Variants in CARMIL1 observed in about 807,000 individuals in gnomAD.
CARMIL1 encodes F-actin-uncapping protein LRRC16A.
CARMIL1 carries 90 observed loss-of-function variants against 177.1 expected under a neutral mutation model. That is an observed-to-expected ratio of 0.51 (90% confidence interval 0.43 to 0.61). The LOEUF (loss-of-function observed/expected upper bound fraction) is 0.61. CARMIL1 is among the 20% of genes least tolerant of loss of function. CARMIL1 has a pLI of 0.00. For synonymous variants in CARMIL1, 577 were observed against 606.2 expected, an observed-to-expected ratio of 0.95 and a Z score of 0.71; for missense variants, 1,380 against 1,667.0, an observed-to-expected ratio of 0.83 and a Z score of 3.00.
intron 2 of CARMIL1, among the ~76,000 whole-genome samples, chr6:25,342,513 A>T (rs2744233): frequency 1.3e-5 from 2 of 151,874 alleles, no homozygotes; most frequent in East Asian, 1.9e-4. Context: ...AATCTGTAAC[A>T]GTGTTACATT....
chr6:25,419,997 G>A, intron 2 of CARMIL1, 117 bp from the exon 3 acceptor site: 1 of 767,074 alleles, frequency 1.3e-6, no homozygotes, highest in East Asian at 2.5e-5. Context: ...TACATGACAG[G>A]AGCCAAGCCA....
intron 32 of CARMIL1, among the ~76,000 whole-genome samples, chr6:25,599,830 T>C (rs1258547583): frequency 1.3e-5 from 2 of 152,152 alleles, no homozygotes; most frequent in Non-Finnish European, 2.9e-5. Context: ...ATGACTATCT[T>C]GAGTAATGGA....
intron 2 of CARMIL1, among the ~76,000 whole-genome samples, chr6:25,403,265 C>G (rs1303537068): frequency 6.6e-6 from 1 of 152,114 alleles, no homozygotes; most frequent in African/African-American, 2.4e-5. Context: ...CTCAGCAAAA[C>G]CAATGGGCTC....
intron 5 of CARMIL1, among the ~76,000 whole-genome samples, chr6:25,442,389 G>A (rs940914234): frequency 1.3e-4 from 19 of 151,484 alleles, no homozygotes; most frequent in Non-Finnish European, 2.7e-4. Flanking sequence ...TTTTGTTTTA[G>A]GATTTTGGTT....
At chr6:25,282,033 T>A (rs1209111092) in intron 1 of CARMIL1, among the ~76,000 whole-genome samples, 1 of 147,180 alleles carries the variant, frequency 6.8e-6, no homozygotes, top group Non-Finnish European at 1.5e-5. Context: ...GAGAATCACT[T>A]GAACCCGGGA....
At chr6:25,470,579 G>T (rs1801006563) in intron 9 of CARMIL1, among the ~76,000 whole-genome samples, 1 of 152,018 alleles carries the variant, frequency 6.6e-6, no homozygotes, top group African/African-American at 2.4e-5. Context: ...TTTCATTCAG[G>T]CTGCTATAAC....
At chr6:25,322,427 C>T (rs1784761462) in intron 2 of CARMIL1, among the ~76,000 whole-genome samples, 2 of 152,218 alleles carry the variant, frequency 1.3e-5, no homozygotes, top group African/African-American at 4.8e-5. Flanking sequence ...CCAGCCTTCA[C>T]TGCTTTTATG....
At chr6:25,553,975 A>C in intron 27 of CARMIL1, 34 bp from the exon 28 acceptor site, 2 of 1,412,918 alleles carry the variant, frequency 1.4e-6, no homozygotes, top group Non-Finnish European at 2.0e-6. Flanking sequence ...TGCACAAATT[A>C]AAATGGTACT....
In CARMIL1 at chr6:25,515,608, A is replaced by C; in HGVS notation, c.1633-67A>C. The C allele has an allele frequency of 6.3e-6, 9 of 1,419,416 alleles. No homozygotes were observed. The highest frequency in any genetic ancestry group is 8.6e-6 in the Non-Finnish European group (9 of 1,047,164). 87.9% of individuals were successfully genotyped at this position (1,419,416 alleles called of 1,614,324 possible). A position where few individuals can be genotyped will look rare whatever the true frequency, so the allele number is the denominator to read the frequency against. The stretch of plus-strand genomic sequence containing the variant: ...TCCATCCCCTCTCATTCTCCACGAA[A>C]TGCGTCGTGGAGAGTGGGTGCTGCT... On this transcript the variant is annotated intron_variant, in intron 20 of 36. Coordinates refer to ENST00000329474, the MANE Select transcript of CARMIL1 (RefSeq NM_017640.6). This position sits in a 1 kb window ranked among gnomAD's most constrained non-coding sequence, Gnocchi z 5.0.
intron 2 of CARMIL1, among the ~76,000 whole-genome samples, chr6:25,415,816 GAATA>G (rs1177496020): frequency 6.6e-6 from 1 of 152,086 alleles, no homozygotes; most frequent in Non-Finnish European, 1.5e-5. Flanking sequence ...CTTGCAAAAG[GAATA>G]AATAAAGTAA....
chr6:25,317,404 T>C (rs1476893342), intron 2 of CARMIL1, among the ~76,000 whole-genome samples: 1 of 152,104 alleles, frequency 6.6e-6, no homozygotes, highest in Non-Finnish European at 1.5e-5. Flanking sequence ...AGTCTCAAAG[T>C]GTTGGGATTA....
rs117263818 is a variant in CARMIL1 at position 25,544,726 on chromosome 6, A to G, written c.2328+4648A>G. Among the ~76,000 whole-genome samples the G allele has an allele frequency of 1.4e-4, 21 of 152,264 alleles. No homozygotes were observed. The East Asian group carries it at 4.0e-3, about 29-fold the overall frequency. ...GTCTGAGCTACAAGAAAGACTAATG[A>G]GCTGGGAAGGTCCAAATATGAGTAA... On this transcript the variant is annotated intron_variant, in intron 26 of 36. Coordinates refer to ENST00000329474, the MANE Select transcript of CARMIL1 (RefSeq NM_017640.6).
chr6:25,608,622 T>A (rs930493212), intron 35 of CARMIL1, among the ~76,000 whole-genome samples: 1 of 152,366 alleles, frequency 6.6e-6, no homozygotes, highest in African/African-American at 2.4e-5. Flanking sequence ...TTAATAAACC[T>A]ATGTTTTTAT....
intron 5 of CARMIL1, among the ~76,000 whole-genome samples, 166 bp from the exon 6 acceptor site, chr6:25,449,732 C>T (rs939775388): frequency 1.1e-4 from 17 of 152,128 alleles, no homozygotes; most frequent in African/African-American, 4.1e-4. Flanking sequence ...TTCTAGATTT[C>T]TAGCTCTCTA....
intron 2 of CARMIL1, among the ~76,000 whole-genome samples, chr6:25,295,694 C>A (rs1268085516): frequency 6.6e-6 from 1 of 152,108 alleles, no homozygotes; most frequent in South Asian, 2.1e-4. Context: ...CTTTTTCATG[C>A]AATTTAGGGT....
chr6:25,563,014 G>A (rs143461711), intron 29 of CARMIL1, among the ~76,000 whole-genome samples: 215 of 152,330 alleles, frequency 1.4e-3, no homozygotes, highest in African/African-American at 4.5e-3. Flanking sequence ...TTTTCTGTGT[G>A]TGTGCATATG....
chr6:25,478,525 G>A (rs1801788949), intron 11 of CARMIL1, among the ~76,000 whole-genome samples: 1 of 152,178 alleles, frequency 6.6e-6, no homozygotes, highest in Admixed American at 6.5e-5. Flanking sequence ...GGCTGGGCAC[G>A]GTGGCTCACG....
chr6:25,364,072 GCTAGCTATGAC>G (rs768642503), intron 2 of CARMIL1, among the ~76,000 whole-genome samples: 1 of 151,786 alleles, frequency 6.6e-6, no homozygotes, highest in Non-Finnish European at 1.5e-5. Flanking sequence ...CTCCCATGTA[GCTAGCTATGAC>G]CACAGGCATG....
chr6:25,441,337 ATGTG>A (rs1554196401), intron 5 of CARMIL1, among the ~76,000 whole-genome samples: 32 of 94,532 alleles, frequency 3.4e-4, no homozygotes, highest in East Asian at 2.1e-3. Context: ...ATATATATAT[ATGTG>A]TGTGTGTGTG....
Sources: allele counts gnomAD v4.1 joint callset (sites outside exome capture counted in the v4.1 genomes callset), GRCh38; gene constraint gnomAD v4.1.1; non-coding constraint Gnocchi (gnomAD v3.1); transcripts MANE v1.5; gene names NCBI Gene and HGNC (gene_info 2026-07-23, HGNC 2026-07-21).